Variants in FANCD2OS observed in about 807,000 individuals in gnomAD.
FANCD2OS encodes FANCD2 opposite strand protein.
FANCD2OS carries 11 observed loss-of-function variants against 13.2 expected under a neutral mutation model. The observed-to-expected ratio is 0.83, with a 90% CI of 0.52 to 1.38. The LOEUF is 1.38. FANCD2OS is among the 40% of genes most tolerant of loss of function. The pLI, the probability that FANCD2OS is intolerant of heterozygous loss-of-function variation, is 0.00. For synonymous variants in FANCD2OS, 69 were observed against 84.5 expected, an observed-to-expected ratio of 0.82 and a Z score of 1.01; for missense variants, 217 against 213.9, an observed-to-expected ratio of 1.01 and a Z score of -0.09.
At chr3:10,088,332 G>C in intron 2 of FANCD2OS, 1 of 776,498 alleles carries the variant, frequency 1.3e-6, no homozygotes, top group Non-Finnish European at 2.3e-6. Flanking sequence ...GACCGGGAAC[G>C]TCTTAGTAAA....
intron 1 of FANCD2OS, among the ~76,000 whole-genome samples, chr3:10,106,594 T>G (rs931307823): frequency 1.3e-5 from 2 of 152,102 alleles, no homozygotes; most frequent in Non-Finnish European, 2.9e-5. Flanking sequence ...CACCGCCGTT[T>G]GTGAGATAGA....
intron 2 of FANCD2OS, among the ~76,000 whole-genome samples, chr3:10,083,904 A>G (rs1429565643): frequency 6.6e-6 from 1 of 151,162 alleles, no homozygotes; most frequent in Non-Finnish European, 1.5e-5. Context: ...AAAAAAAAAA[A>G]AAAGGTATGT....
intron 1 of FANCD2OS, among the ~76,000 whole-genome samples, chr3:10,105,781 T>A (rs1289645023): frequency 6.2e-5 from 2 of 32,278 alleles, no homozygotes; most frequent in East Asian, 1.5e-3. Flanking sequence ...ATTATATATA[T>A]ATATATATAT....
chr3:10,091,458 T>G lies in FANCD2OS; in HGVS notation c.*44-9927A>C, dbSNP rs368403335. Among the ~76,000 whole-genome samples the G allele has an allele frequency of 4.9e-4, 73 of 149,944 alleles. No individual in the cohort carries two copies. In the East Asian group the frequency reaches 0.011, roughly 23 times the overall value. ...CTGCACTCCAACCTGGATGTCAGAC[T>G]CAGACCCTGTCTCAAAAAGAAAAAA... On this transcript the variant is annotated intron_variant, in intron 2 of 2. Transcript: ENST00000524279.
At chr3:10,090,427 T>A in intron 2 of FANCD2OS, 1 of 1,088,938 alleles carries the variant, frequency 9.2e-7, no homozygotes. Context: ...GACTTTGGAT[T>A]ACTTGGAAGT....
intron 2 of FANCD2OS, chr3:10,094,985 T>A: frequency 1.7e-6 from 1 of 577,168 alleles, no homozygotes; most frequent in South Asian, 2.0e-5. Flanking sequence ...GCAGGTCTTA[T>A]AACTCTCAGA....
chr3:10,093,082 C>T lies in FANCD2OS; in HGVS notation c.*43+11116G>A, dbSNP rs12374115. 0.21 allele frequency among the ~76,000 whole-genome samples: 31,535 copies of T among 152,108 alleles called. 3,963 individuals are homozygous for T. Among genetic ancestry groups the T allele is most frequent in the African/African-American group, 0.35 (14,664 of 41,458 alleles). ...ACTCCCAGTTGGAATCAGTTTATTT[C>T]TCTTTGCTCGTCTCTTCCTTTTCTT... On this transcript the variant is annotated intron_variant, in intron 2 of 2. Transcript: ENST00000524279.
intron 2 of FANCD2OS, among the ~76,000 whole-genome samples, chr3:10,095,727 T>G (rs1032887606): frequency 6.6e-6 from 1 of 152,226 alleles, no homozygotes; most frequent in Non-Finnish European, 1.5e-5. Context: ...CTTGAAGCCT[T>G]CTTATAGTTA....
At chr3:10,101,377 CTTTTTTT>C (rs950337384), downstream of FANCD2OS, 96 of 388,488 alleles carry the variant, frequency 2.5e-4, no homozygotes, top group African/African-American at 2.0e-3. Flanking sequence ...TTTTGTTCCT[CTTTTTTT>C]TTTTTTTTTT....
At chr3:10,090,507 T>C (rs1424110508) in intron 2 of FANCD2OS, 3 of 632,362 alleles carry the variant, frequency 4.7e-6, no homozygotes, top group Non-Finnish European at 8.1e-6. Flanking sequence ...TTGCCCAGAC[T>C]GGAGTGCAGT....
intron 1 of FANCD2OS, among the ~76,000 whole-genome samples, chr3:10,105,787 T>A (rs1695476181): frequency 2.0e-5 from 1 of 50,636 alleles, no homozygotes; most frequent in African/African-American, 1.7e-4. Flanking sequence ...TATATATATA[T>A]ATATATATAT....
chr3:10,090,976 G>A (rs2125083138), intron 2 of FANCD2OS, among the ~76,000 whole-genome samples: 1 of 152,066 alleles, frequency 6.6e-6, no homozygotes, highest in South Asian at 2.1e-4. Flanking sequence ...CAGCCTGTTT[G>A]AGATACTGTG....
chr3:10,107,295 CTTTTT>C (rs112043994), intron 1 of FANCD2OS, among the ~76,000 whole-genome samples: 1 of 149,580 alleles, frequency 6.7e-6, no homozygotes, highest in Non-Finnish European at 1.5e-5. Flanking sequence ...TTCTTTCTTT[CTTTTT>C]TTTTTGAGAC....
At chr3:10,085,105 G>A (rs1694103429) in intron 2 of FANCD2OS, among the ~76,000 whole-genome samples, 1 of 152,130 alleles carries the variant, frequency 6.6e-6, no homozygotes, top group African/African-American at 2.4e-5. Flanking sequence ...ACTATGGGCT[G>A]GACATTGATT....
downstream of FANCD2OS, among the ~76,000 whole-genome samples, chr3:10,102,603 TCAGGAGATC>T (rs367999601): frequency 1.5e-3 from 222 of 151,626 alleles, 11 homozygotes; most frequent in South Asian, 0.017. Flanking sequence ...GGTGGGTGGA[TCAGGAGATC>T]CAGGAGATCC....
chr3:10,087,346 A>C, intron 2 of FANCD2OS: 1 of 1,374,976 alleles, frequency 7.3e-7, no homozygotes, highest in Non-Finnish European at 9.9e-7. Flanking sequence ...TGGGCTTCCC[A>C]GGACATTTTT....
intron 2 of FANCD2OS, chr3:10,081,662 T>TTA (rs1693845985): frequency 1.6e-6 from 1 of 613,616 alleles, no homozygotes; most frequent in African/African-American, 1.8e-5. Flanking sequence ...AGCCACTATG[T>TTA]TAACCCATTT....
intron 2 of FANCD2OS, chr3:10,085,831 G>C: frequency 6.2e-7 from 1 of 1,613,250 alleles, no homozygotes; most frequent in East Asian, 2.2e-5. Context: ...TTCTCAACCT[G>C]AAAATCAGAA....
intron 2 of FANCD2OS, among the ~76,000 whole-genome samples, chr3:10,092,866 A>G (rs1575858451): frequency 6.6e-6 from 1 of 150,778 alleles, no homozygotes; most frequent in African/African-American, 2.4e-5. Context: ...TAATTTTTCT[A>G]TTTTTTGTGG....
Sources: gnomAD v4.1 joint callset for allele counts (sites outside exome capture counted in the v4.1 genomes callset) on GRCh38, gnomAD v4.1.1 for gene constraint, MANE v1.5 for transcripts, NCBI Gene and HGNC (gene_info 2026-07-23, HGNC 2026-07-21) for gene names.